The following EEFSEC variants were observed in gnomAD, a reference collection of about 807,000 sequenced individuals.
EEFSEC encodes selenocysteine-specific elongation factor.
In EEFSEC, 43 loss-of-function variants were observed where a neutral mutation model predicts 42.1. The ratio of observed to expected loss-of-function variants is 1.02; its 90% confidence interval spans 0.80 to 1.32. The LOEUF is 1.32. EEFSEC is among the 40% of genes most tolerant of loss of function. The pLI, the probability that EEFSEC is intolerant of heterozygous loss-of-function variation, is 0.00. For synonymous variants in EEFSEC, 354 were observed against 339.1 expected, an observed-to-expected ratio of 1.04 and a Z score of -0.48; for missense variants, 745 against 803.6, an observed-to-expected ratio of 0.93 and a Z score of 0.88.
intron 5 of EEFSEC, among the ~76,000 whole-genome samples, chr3:128,349,809 C>G (rs2067361371): frequency 6.6e-6 from 1 of 152,230 alleles, no homozygotes; most frequent in South Asian, 2.1e-4. Context: ...CAGTTGGGTC[C>G]CAGGACATGG....
At chr3:128,244,307 C>A (rs1253572078) in intron 1 of EEFSEC, among the ~76,000 whole-genome samples, 2 of 152,144 alleles carry the variant, frequency 1.3e-5, no homozygotes, top group African/African-American at 4.8e-5. Flanking sequence ...AAGGCTTGGG[C>A]TCAGCTTGTG....
At chr3:128,393,382 C>G (rs1360361149) in intron 6 of EEFSEC, among the ~76,000 whole-genome samples, 1 of 152,186 alleles carries the variant, frequency 6.6e-6, no homozygotes. Context: ...AGATGGGAGT[C>G]CTGGCGTTCA....
intron 4 of EEFSEC, among the ~76,000 whole-genome samples, chr3:128,321,193 G>A (rs1475157082): frequency 1.3e-5 from 2 of 152,176 alleles, no homozygotes; most frequent in East Asian, 1.9e-4. Flanking sequence ...GGAAGCTCTG[G>A]GGGAGAGTGC....
At chr3:128,256,145 T>A (rs1429325199) in intron 2 of EEFSEC, among the ~76,000 whole-genome samples, 2 of 152,212 alleles carry the variant, frequency 1.3e-5, no homozygotes, top group Non-Finnish European at 2.9e-5. Flanking sequence ...TTAAATCTCT[T>A]TTATTAAGTC....
At chr3:128,337,146 G>A (rs886293759) in intron 4 of EEFSEC, 2 of 152,206 alleles carry the variant, frequency 1.3e-5, no homozygotes, top group African/African-American at 2.4e-5. Context: ...TGGGTCTTCT[G>A]TTCCGAAGCG....
intron 6 of EEFSEC, among the ~76,000 whole-genome samples, chr3:128,367,374 C>T (rs992948738): frequency 2.6e-5 from 4 of 152,210 alleles, no homozygotes; most frequent in Non-Finnish European, 4.4e-5. Flanking sequence ...GGACCCCAAC[C>T]GAGTCTGGGC....
At chr3:128,362,473 G>C (rs966067589) in intron 6 of EEFSEC, among the ~76,000 whole-genome samples, 7 of 152,254 alleles carry the variant, frequency 4.6e-5, no homozygotes, top group African/African-American at 1.7e-4. Context: ...TCCCAGGGCT[G>C]TTGTTTTGTG....
chr3:128,154,685 A>G (rs1388984072), intron 1 of EEFSEC, among the ~76,000 whole-genome samples: 1 of 151,968 alleles, frequency 6.6e-6, no homozygotes, highest in Non-Finnish European at 1.5e-5. Flanking sequence ...TCCTGACTTC[A>G]TGACCCGCCC....
At chr3:128,253,500 G>A (rs919330729) in intron 2 of EEFSEC, among the ~76,000 whole-genome samples, 1 of 152,130 alleles carries the variant, frequency 6.6e-6, no homozygotes, top group African/African-American at 2.4e-5. Context: ...AGATGGTATG[G>A]ACACCACCAA....
intron 2 of EEFSEC, among the ~76,000 whole-genome samples, chr3:128,261,166 GC>G (rs2066293188): frequency 6.6e-6 from 1 of 152,172 alleles, no homozygotes; most frequent in South Asian, 2.1e-4. Context: ...GAGACTGAGA[GC>G]CCTGGCTTCA....
chr3:128,397,114 G>C (rs1033658432), intron 6 of EEFSEC, among the ~76,000 whole-genome samples: 2 of 152,252 alleles, frequency 1.3e-5, no homozygotes, highest in Non-Finnish European at 2.9e-5. Context: ...GGGCCTGGGA[G>C]ATGCTGGGTG....
chr3:128,257,251 G>A (rs2066250490), intron 2 of EEFSEC, among the ~76,000 whole-genome samples: 1 of 152,152 alleles, frequency 6.6e-6, no homozygotes, highest in Non-Finnish European at 1.5e-5. Flanking sequence ...GTGTTGTGGA[G>A]GTGCTCTCTA....
At chr3:128,307,024 T>C (rs1448410027) in intron 4 of EEFSEC, among the ~76,000 whole-genome samples, 1 of 152,258 alleles carries the variant, frequency 6.6e-6, no homozygotes, top group African/African-American at 2.4e-5. Flanking sequence ...TTGGACTTAA[T>C]TGGAACCAGA....
intron 6 of EEFSEC, among the ~76,000 whole-genome samples, chr3:128,362,659 T>A (rs953198219): frequency 9.9e-5 from 15 of 152,212 alleles, no homozygotes; most frequent in African/African-American, 2.4e-5. Context: ...AGGCCCCTAT[T>A]ACCACTCGCG....
intron 6 of EEFSEC, among the ~76,000 whole-genome samples, chr3:128,395,326 C>T (rs147132457): frequency 2.2e-4 from 34 of 152,306 alleles, no homozygotes; most frequent in African/African-American, 7.7e-4. Flanking sequence ...CCCACTCCTG[C>T]CTGACCCACT....
intron 6 of EEFSEC, among the ~76,000 whole-genome samples, chr3:128,370,413 G>A (rs2067640433): frequency 6.6e-6 from 1 of 152,186 alleles, no homozygotes; most frequent in Non-Finnish European, 1.5e-5. Flanking sequence ...TGTGCCCCAT[G>A]CAGGATGCCT....
chr3:128,299,325 G>A (rs141214628), intron 4 of EEFSEC, among the ~76,000 whole-genome samples: 66 of 152,318 alleles, frequency 4.3e-4, no homozygotes, highest in African/African-American at 1.6e-3. Flanking sequence ...GATTCGTAAA[G>A]TTGAGCATTT....
intron 4 of EEFSEC, among the ~76,000 whole-genome samples, chr3:128,319,174 C>T (rs548265418): frequency 2.6e-5 from 4 of 152,218 alleles, no homozygotes; most frequent in African/African-American, 9.7e-5. Flanking sequence ...TCCTGACCCC[C>T]CTCCAACCCC....
chr3:128,389,821 A>C (rs932174246), intron 6 of EEFSEC, among the ~76,000 whole-genome samples: 1 of 152,264 alleles, frequency 6.6e-6, no homozygotes, highest in Non-Finnish European at 1.5e-5. Flanking sequence ...TGGGCAGGGC[A>C]GGCCCCAGAT....
Sources: gnomAD v4.1 joint callset for allele counts (sites outside exome capture counted in the v4.1 genomes callset) on GRCh38, gnomAD v4.1.1 for gene constraint, MANE v1.5 for transcripts, NCBI Gene and HGNC (gene_info 2026-07-23, HGNC 2026-07-21) for gene names.